EPHA3: variants seen among roughly 807,000 people sequenced by gnomAD.
The protein encoded by EPHA3 is EPH receptor A3.
Under a neutral mutation model 107.1 loss-of-function variants are expected in EPHA3, and 42 were observed. The ratio of observed to expected loss-of-function variants is 0.39; its 90% CI spans 0.31 to 0.51. The LOEUF is 0.51. EPHA3 is among the 20% of genes least tolerant of loss of function. The pLI, the probability that EPHA3 is intolerant of heterozygous loss-of-function variation, is 0.78. For synonymous variants in EPHA3, 461 were observed against 424.8 expected (o/e 1.09, Z -1.05); for missense variants, 1,183 against 1,211.2 (o/e 0.98, Z 0.35).
At chr3:89,425,141 T>C (rs1333751712) in intron 11 of EPHA3, among the ~76,000 whole-genome samples, 4 of 151,326 alleles carry the variant, frequency 2.6e-5, no homozygotes, top group Non-Finnish European at 5.9e-5. Context: ...CACACAATAA[T>C]GTCTTGATTA....
chr3:89,111,873 T>C (rs1225391895), intron 1 of EPHA3, among the ~76,000 whole-genome samples: 1 of 152,144 alleles, frequency 6.6e-6, no homozygotes, highest in Non-Finnish European at 1.5e-5. Flanking sequence ...TTGTCATAAA[T>C]GAGCAATTAT....
At chr3:89,311,896 C>T (rs979779826) in intron 3 of EPHA3, among the ~76,000 whole-genome samples, 1 of 151,796 alleles carries the variant, frequency 6.6e-6, no homozygotes, top group African/African-American at 2.4e-5. Context: ...ATTTGTTGTC[C>T]AATGTGAAAT....
intron 3 of EPHA3, among the ~76,000 whole-genome samples, chr3:89,310,432 A>G (rs1172785655): frequency 6.6e-6 from 1 of 151,988 alleles, no homozygotes; most frequent in Non-Finnish European, 1.5e-5. Flanking sequence ...CTTCTCAATG[A>G]TAAGTAGGTT....
intron 3 of EPHA3, among the ~76,000 whole-genome samples, chr3:89,265,819 G>A (rs1705526305): frequency 6.6e-6 from 1 of 151,930 alleles, no homozygotes; most frequent in South Asian, 2.1e-4. Flanking sequence ...TAGATACCTG[G>A]GCAACCTTCT....
intron 3 of EPHA3, among the ~76,000 whole-genome samples, chr3:89,218,558 C>T (rs1704274502): frequency 6.6e-6 from 1 of 151,884 alleles, no homozygotes; most frequent in Non-Finnish European, 1.5e-5. Context: ...TGGGTTGGTT[C>T]CAAGTCTTTG....
intron 2 of EPHA3, among the ~76,000 whole-genome samples, chr3:89,147,024 T>C (rs1704573780): frequency 6.6e-6 from 1 of 151,912 alleles, no homozygotes; most frequent in African/African-American, 2.4e-5. Context: ...AATGAGTCCA[T>C]GTCCTTTGCA....
Position 89,352,391 on chromosome 3 carries a change from CAATT to C in EPHA3, c.1306+10307_1306+10310del, listed in dbSNP as rs1199264682. ...ATGTTGTCACTAATATAATTTTAAA[CAATT>C]AATTATTTTTGACCTTTAAGACCAC... is the stretch of plus-strand genomic sequence containing the variant. On this transcript the variant is annotated intron_variant, in intron 5 of 16. Coordinates refer to ENST00000336596, the MANE Select transcript of EPHA3 (RefSeq NM_005233.6). Among the ~76,000 whole-genome samples the C allele has an allele frequency of 2.6e-5, 4 of 151,072 alleles. 1 individual carries two copies. The highest frequency in any genetic ancestry group is 5.9e-5 in the Non-Finnish European group (4 of 67,524).
chr3:89,121,933 G>A (rs1020976025), intron 1 of EPHA3, among the ~76,000 whole-genome samples: 12 of 152,110 alleles, frequency 7.9e-5, no homozygotes, highest in African/African-American at 2.9e-4. Flanking sequence ...GCTGCTTACA[G>A]TAAAACAGAA....
At chr3:89,397,637 G>A (rs1428273209) in intron 6 of EPHA3, among the ~76,000 whole-genome samples, 3 of 147,718 alleles carry the variant, frequency 2.0e-5, no homozygotes, top group Non-Finnish European at 4.4e-5. Context: ...AGGCTGGAGT[G>A]CAATGGCATG....
intron 5 of EPHA3, among the ~76,000 whole-genome samples, chr3:89,349,945 C>A (rs1707768813): frequency 6.7e-6 from 1 of 148,830 alleles, no homozygotes; most frequent in Non-Finnish European, 1.5e-5. Flanking sequence ...AATATTGGCC[C>A]CCACTCTCTT....
intron 3 of EPHA3, among the ~76,000 whole-genome samples, chr3:89,337,800 G>C (rs907693835): frequency 2.0e-5 from 3 of 152,116 alleles, no homozygotes; most frequent in Non-Finnish European, 4.4e-5. Context: ...AGTCACTCAG[G>C]TATGCCGTCT....
chr3:89,266,116 A>C (rs568453336), intron 3 of EPHA3, among the ~76,000 whole-genome samples: 310 of 152,180 alleles, frequency 2.0e-3, no homozygotes, highest in Middle Eastern at 3.4e-3. Context: ...CTACCAAGAC[A>C]CTCTAAACTC....
At chr3:89,400,197 T>C (rs1368929003) in intron 7 of EPHA3, 67 of 293,480 alleles carry the variant, frequency 2.3e-4, no homozygotes, top group East Asian at 7.4e-4. Flanking sequence ...TCTTTCTTTT[T>C]TTTTTTTTTT....
intron 16 of EPHA3, among the ~76,000 whole-genome samples, chr3:89,477,806 T>G (rs1217455167): frequency 6.6e-6 from 1 of 151,744 alleles, no homozygotes; most frequent in East Asian, 1.9e-4. Flanking sequence ...ATTGTTTAGG[T>G]TGCTGTTGGT....
chr3:89,272,856 C>A (rs1487938264), intron 3 of EPHA3, among the ~76,000 whole-genome samples: 1 of 151,756 alleles, frequency 6.6e-6, no homozygotes, highest in Admixed American at 6.6e-5. Context: ...TTAAAGTAAA[C>A]GTAAATCTGG....
At chr3:89,379,579 C>T (rs1372477724) in intron 5 of EPHA3, among the ~76,000 whole-genome samples, 1 of 152,092 alleles carries the variant, frequency 6.6e-6, no homozygotes, top group Non-Finnish European at 1.5e-5. Context: ...AAGTGCATTT[C>T]ACTTTTTCGT....
chr3:89,327,252 A>G (rs1050706053), intron 3 of EPHA3, among the ~76,000 whole-genome samples: 3 of 152,150 alleles, frequency 2.0e-5, no homozygotes, highest in African/African-American at 7.2e-5. Context: ...TCAATTTTCA[A>G]CTGAATATAG....
chr3:89,469,283 G>T (rs2107572458), intron 15 of EPHA3, among the ~76,000 whole-genome samples: 1 of 152,224 alleles, frequency 6.6e-6, no homozygotes, highest in Non-Finnish European at 1.5e-5. Flanking sequence ...ACAGAGAGGG[G>T]ACTATTAATC....
chr3:89,261,950 A>G (rs1705427631), intron 3 of EPHA3, among the ~76,000 whole-genome samples: 1 of 151,880 alleles, frequency 6.6e-6, no homozygotes. Context: ...ACACACATTT[A>G]TTTTATAGCA....
Sources: allele counts gnomAD v4.1 joint callset (sites outside exome capture counted in the v4.1 genomes callset), GRCh38; gene constraint gnomAD v4.1.1; transcripts MANE v1.5; gene names NCBI Gene and HGNC (gene_info 2026-07-23, HGNC 2026-07-21).